Variants in MAGI1 observed in about 807,000 individuals in gnomAD.
MAGI1 encodes membrane-associated guanylate kinase, WW and PDZ domain-containing protein 1.
A neutral mutation model predicts 139.9 loss-of-function variants in MAGI1; 58 were observed. The observed-to-expected ratio is 0.41, with a 90% confidence interval of 0.34 to 0.52. The LOEUF is 0.52. Ranked by LOEUF, MAGI1 falls within the 20% of genes least tolerant of loss-of-function variation. MAGI1 has a pLI of 0.12. For missense variants in MAGI1, 1,874 were observed against 1,901.6 expected, an observed-to-expected ratio of 0.99 and a Z score of 0.27; for synonymous variants, 812 against 737.9, an observed-to-expected ratio of 1.10 and a Z score of -1.63.
At chr3:65,450,640 G>C (rs1376644053) in intron 6 of MAGI1, among the ~76,000 whole-genome samples, 1 of 152,068 alleles carries the variant, frequency 6.6e-6, no homozygotes, top group East Asian at 1.9e-4. Flanking sequence ...TTACAATATT[G>C]GTCTGGAGTT....
At chr3:65,975,563 C>T (rs1245252532) in intron 1 of MAGI1, among the ~76,000 whole-genome samples, 1 of 151,968 alleles carries the variant, frequency 6.6e-6, no homozygotes, top group Non-Finnish European at 1.5e-5. Context: ...CAAGACCAGC[C>T]TGGGCAACAT....
intron 14 of MAGI1, among the ~76,000 whole-genome samples, chr3:65,386,088 T>C (rs1302848737): frequency 6.6e-6 from 1 of 152,038 alleles, no homozygotes; most frequent in Admixed American, 6.6e-5. Context: ...CCAGACCCAT[T>C]TTTCTCAGCA....
At chr3:65,433,527 G>A (rs1202440003) in intron 10 of MAGI1, among the ~76,000 whole-genome samples, 1 of 152,030 alleles carries the variant, frequency 6.6e-6, no homozygotes, top group African/African-American at 2.4e-5. Context: ...GGAAAGAAAC[G>A]CTTTTCACCC....
Position 65,401,448 on chromosome 3 carries a change from G to A in MAGI1, c.2190C>T (p.Ser730=), listed in dbSNP as rs1205714231. 11 of 1,611,932 alleles carry A rather than the reference G, an allele frequency of 6.8e-6. No homozygotes were observed. The highest frequency in any genetic ancestry group is 9.3e-6 in the Non-Finnish European group (11 of 1,179,264). ...QRGGLPVPKK[S]PKSQPLERKD... ...ACTGACAAGTCCTTACCGACTTTGG[G>A]CTCTTCTTGGGAACTGGCAGCCCTG... The change falls in exon 13 of 23, where the codon AGC becomes AGT. Residue 730 remains serine (S), a synonymous_variant. Transcript: ENST00000402939.
intron 1 of MAGI1, among the ~76,000 whole-genome samples, chr3:65,833,629 A>T (rs914529612): frequency 1.3e-5 from 2 of 152,210 alleles, no homozygotes; most frequent in Non-Finnish European, 2.9e-5. Flanking sequence ...ATGTCATATA[A>T]AATAGAGAAT....
At chr3:65,587,813 T>C (rs1300133481) in intron 2 of MAGI1, among the ~76,000 whole-genome samples, 1 of 152,054 alleles carries the variant, frequency 6.6e-6, no homozygotes, top group Admixed American at 6.6e-5. Flanking sequence ...AGAGATTGAG[T>C]TGTAACTCGA....
chr3:65,558,706 TG>T lies in MAGI1; in HGVS notation c.430+63265del, dbSNP rs549226567. Among the ~76,000 whole-genome samples, 143 of 152,144 alleles carry T rather than the reference TG, an allele frequency of 9.4e-4. 1 individual carries two copies. Among genetic ancestry groups the T allele is most frequent in the South Asian group, 4.4e-3 (21 of 4,808 alleles). On this transcript the variant is annotated intron_variant, in intron 2 of 22. Coordinates refer to ENST00000402939, the MANE Select transcript of MAGI1 (RefSeq NM_001033057.2). Reference sequence around the variant, plus strand: ...ACAAACAAACACACAAAAAAAACCCTGCAGATTTGGGACCCCATCCTGATCT... The same window carrying T: ...ACAAACAAACACACAAAAAAAACCCTCAGATTTGGGACCCCATCCTGATCT...
At chr3:66,032,810 G>A (rs2068697209) in intron 1 of MAGI1, among the ~76,000 whole-genome samples, 1 of 150,524 alleles carries the variant, frequency 6.6e-6, no homozygotes, top group African/African-American at 2.4e-5. Context: ...CAGCTACTCG[G>A]GAGGCTAAGC....
In MAGI1 at chr3:65,356,746, C is replaced by T. The variant is rs1940221518; in HGVS notation, c.4021G>A (p.Glu1341Lys). 5 of 1,598,580 alleles carry T rather than the reference C, an allele frequency of 3.1e-6. No homozygotes were observed. The highest frequency in any genetic ancestry group is 4.3e-6 in the Non-Finnish European group (5 of 1,172,924). The change falls in exon 23 of 23, where the codon GAG (glutamate) becomes AAG (lysine). Residue 1341 changes from glutamate to lysine, a missense_variant. This residue lies in a region of MAGI1 where 653 missense variants were observed against 644.5 expected (regional missense o/e 1.01). Transcript: ENST00000402939. ...ACGTCTCGTCTCTTCTCGTGCTTCT[C>T]CCTCCTCTCCAAAGTGTTGTCGGCG... Reference protein sequence around the residue: ...RSADNTLERREKHEKRRDVSP... With the variant: ...RSADNTLERRKKHEKRRDVSP...
chr3:65,579,584 G>A (rs979211221), intron 2 of MAGI1, among the ~76,000 whole-genome samples: 2 of 152,130 alleles, frequency 1.3e-5, no homozygotes, highest in Non-Finnish European at 2.9e-5. Context: ...AGTGGCTCAC[G>A]CCTGTAATCC....
At chr3:65,821,030 G>T (rs958405886) in intron 1 of MAGI1, among the ~76,000 whole-genome samples, 17 of 146,224 alleles carry the variant, frequency 1.2e-4, no homozygotes, top group Middle Eastern at 3.5e-3. Flanking sequence ...AGGAGCCGGG[G>T]GTCAAATCTG....
At chr3:65,966,225 C>T (rs1250779170) in intron 1 of MAGI1, among the ~76,000 whole-genome samples, 1 of 152,166 alleles carries the variant, frequency 6.6e-6, no homozygotes, top group Non-Finnish European at 1.5e-5. Flanking sequence ...ATGGTAATTC[C>T]TATTCAGCTA....
intron 1 of MAGI1, among the ~76,000 whole-genome samples, chr3:65,775,171 C>T (rs1222773592): frequency 1.3e-5 from 2 of 151,932 alleles, no homozygotes; most frequent in Non-Finnish European, 2.9e-5. Flanking sequence ...TCAGGCTGGG[C>T]GTGGTGACTC....
At chr3:65,473,975 A>C (rs535919219) in intron 4 of MAGI1, among the ~76,000 whole-genome samples, 1 of 152,284 alleles carries the variant, frequency 6.6e-6, no homozygotes, top group South Asian at 2.1e-4. Flanking sequence ...TGATTTCAAA[A>C]AAATCTTTTG....
At chr3:65,421,747 G>A (rs141100329) in intron 12 of MAGI1, among the ~76,000 whole-genome samples, 294 of 152,204 alleles carry the variant, frequency 1.9e-3, no homozygotes, top group African/African-American at 6.7e-3. Flanking sequence ...CCTGTAACCC[G>A]CTTATAAACT....
At chr3:65,605,922 C>T (rs2082717757) in intron 2 of MAGI1, among the ~76,000 whole-genome samples, 3 of 152,164 alleles carry the variant, frequency 2.0e-5, no homozygotes, top group Non-Finnish European at 4.4e-5. Context: ...CTACTTTGTG[C>T]AGGGTAGTTA....
chr3:65,360,391 T>C (rs1174218612), intron 22 of MAGI1: 1 of 960,688 alleles, frequency 1.0e-6, no homozygotes, highest in East Asian at 1.2e-4. Flanking sequence ...AAATCTCAAA[T>C]AAATAGGACA....
intron 2 of MAGI1, among the ~76,000 whole-genome samples, chr3:65,502,626 C>CT (rs2077125368): frequency 6.6e-6 from 1 of 152,178 alleles, no homozygotes; most frequent in African/African-American, 2.4e-5. Flanking sequence ...AGACAGCTGC[C>CT]TTTTTGCTGT....
At chr3:65,778,445 T>A (rs6797746) in intron 1 of MAGI1, among the ~76,000 whole-genome samples, 58,952 of 113,608 alleles carry the variant, frequency 0.52, 15,695 homozygotes, top group Non-Finnish European at 0.56. Flanking sequence ...AAAAAAAAAA[T>A]AAATAAATAA....
Sources: gnomAD v4.1 joint callset for allele counts (sites outside exome capture counted in the v4.1 genomes callset) on GRCh38, gnomAD v4.1.1 for gene constraint, gnomAD v4.1.1 regional missense constraint, MANE v1.5 for transcripts, NCBI Gene and HGNC (gene_info 2026-07-23, HGNC 2026-07-21) for gene names.